The following MAMDC4 variants were observed in gnomAD, a reference collection of about 807,000 sequenced individuals.
MAMDC4 encodes the protein MAM domain containing 4, also known as apical endosomal glycoprotein.
A neutral mutation model predicts 153.3 loss-of-function variants in MAMDC4; 168 were observed. The ratio of observed to expected loss-of-function variants is 1.10; its 90% CI spans 0.97 to 1.25. The LOEUF is 1.25. MAMDC4 is among the 50% of genes most tolerant of loss of function. The pLI, the probability that MAMDC4 is intolerant of heterozygous loss-of-function variation, is 0.00. For missense variants in MAMDC4, 1,701 were observed against 1,542.8 expected (o/e 1.10, Z -1.72); for synonymous variants, 744 against 651.5 (o/e 1.14, Z -2.16).
chr9:136,855,677 G>A (rs1038432639), intron 12 of MAMDC4, 55 bp from the exon 13 acceptor site: 79 of 1,567,080 alleles, frequency 5.0e-5, no homozygotes, highest in South Asian at 9.4e-5. Context: ...GGTAGGCGCC[G>A]GGGCAGGCTG....
rs779193465 is a variant in MAMDC4 at position 136,857,240 on chromosome 9, G to A, written c.2048G>A (p.Arg683His). The A allele has an allele frequency of 5.0e-6, 8 of 1,607,134 alleles. No homozygotes were observed. Among genetic ancestry groups the A allele is most frequent in the Non-Finnish European group, 5.9e-6 (7 of 1,177,420 alleles). Residue 683 changes from arginine (R) to histidine (H), a missense_variant, in exon 17 of 27, where the codon CGC (arginine) becomes CAC (histidine). By Grantham distance (29) the Arg-to-His change is conservative. Transcript: ENST00000317446. ...TCGCGGTCAGGCACCCAGGGCAACCGCTGGCACGAGGCCTGGGCCACCCTT... is the reference window on the plus strand; with the variant it reads ...TCGCGGTCAGGCACCCAGGGCAACCACTGGCACGAGGCCTGGGCCACCCTT... ...LWSRSGTQGNRWHEAWATLSH... is the reference protein window; with the variant it reads ...LWSRSGTQGNHWHEAWATLSH...
At position 136,858,235 on chromosome 9, in the gene MAMDC4, T is replaced by C; in HGVS notation, c.2633T>C (p.Leu878Pro). 1 of 1,601,762 alleles carries C rather than the reference T, an allele frequency of 6.2e-7. No homozygotes were observed. Among genetic ancestry groups the C allele is most frequent in the Non-Finnish European group, 8.5e-7 (1 of 1,178,474 alleles). Residue 878 changes from leucine (L) to proline (P), a missense_variant, in exon 21 of 27, where the codon CTG becomes CCG. Leu to Pro is a moderately conservative substitution (Grantham distance 98). Coordinates refer to ENST00000317446, the MANE Select transcript of MAMDC4 (RefSeq NM_206920.3). The part of the protein sequence containing the change: ...AAGVAHSYVA[L>P]DDLLLQDGPC... Reference sequence around the variant, plus strand: ...GGCGTGGCACACTCCTACGTGGCTCTGGATGATCTGCTCCTCCAGGACGGG... The same window carrying C: ...GGCGTGGCACACTCCTACGTGGCTCCGGATGATCTGCTCCTCCAGGACGGG...
In MAMDC4 at chr9:136,855,477, C is replaced by T; in HGVS notation, c.1329C>T (p.Ala443=). The stretch of plus-strand genomic sequence containing the variant: ...TGCCTCCTGGGCCCCGGGCCCCAGC[C>T]CCCCAGCCCCTGCCGCCCAGCTCGC... ...QPLPPGPRAP[A]PQPLPPSSRL... is the part of the protein sequence containing the mutation. Residue 443 remains alanine, a synonymous_variant, in exon 12 of 27, where the codon GCC becomes GCT. Transcript: ENST00000317446. The T allele has an allele frequency of 1.2e-6, 2 of 1,605,414 alleles. No homozygotes were observed. Among genetic ancestry groups the T allele is most frequent in the Non-Finnish European group, 1.7e-6 (2 of 1,176,594 alleles).
rs987605046 is a variant in MAMDC4, at chr9:136,852,994, G to A, written c.47-108G>A. ...CCCTGCTCCATCTCCTGGTCTGAGGGGCATCCCCGGACAAAAGATGTCCAG... is the reference window on the plus strand; with the variant it reads ...CCCTGCTCCATCTCCTGGTCTGAGGAGCATCCCCGGACAAAAGATGTCCAG... On this transcript the variant is annotated intron_variant, in intron 1 of 26. Coordinates refer to ENST00000317446, the MANE Select transcript of MAMDC4 (RefSeq NM_206920.3). 49 of 903,762 alleles carry A rather than the reference G, an allele frequency of 5.4e-5. No homozygotes were observed. The African/African-American group carries it at 6.9e-4, about 13-fold the overall frequency. The allele number at this position is 903,762 out of a possible 1,614,324, so 56.0% of individuals were successfully genotyped here. A position where few individuals can be genotyped will look rare whatever the true frequency, so the allele number is the denominator to read the frequency against.
chr9:136,858,366 G>A (rs1163574314), intron 21 of MAMDC4, 34 bp from the exon 22 acceptor site: 2 of 1,600,384 alleles, frequency 1.2e-6, no homozygotes, highest in Admixed American at 1.7e-5. Context: ...CTTGGGCCGT[G>A]GGGCAGCACC....
In MAMDC4 at chr9:136,855,746, G is replaced by C. The variant is rs370310945; in HGVS notation, c.1486G>C (p.Glu496Gln). ...TGCTGTTCCAGGCACCACAGACTTT[G>C]AGTCCCCCGAGGCTGGGGGCTGGGA... ...DEQACGTTDF[E>Q]SPEAGGWEDA... The change falls in exon 13 of 27, where the codon GAG (glutamate) becomes CAG (glutamine). Residue 496 changes from glutamate to glutamine, a missense_variant. By Grantham distance (29) the Glu-to-Gln change is conservative. Transcript: ENST00000317446. 6 of 1,572,908 alleles carry C rather than the reference G, an allele frequency of 3.8e-6. No individual in the cohort carries two copies. The highest frequency in any genetic ancestry group is 1.9e-5 in the Admixed American group (1 of 52,636).
chr9:136,852,397 C>T lies in MAMDC4; in HGVS notation c.-20C>T. 1 of 1,608,706 alleles carries T rather than the reference C, an allele frequency of 6.2e-7. No homozygotes were observed. The highest frequency in any genetic ancestry group is 8.5e-7 in the Non-Finnish European group (1 of 1,179,944). The stretch of plus-strand genomic sequence containing the variant: ...TTCCCAGGCACCCTGTGTGGCCGCA[C>T]TGCTCCCTCTGGCCCAACCATGCCT... On this transcript the variant is annotated 5_prime_UTR_variant, in exon 1 of 27. Transcript: ENST00000317446.
rs773352715 is a variant in MAMDC4 at position 136,853,998 on chromosome 9, T to A, written c.592T>A (p.Phe198Ile). 6.2e-6 allele frequency: 10 copies of A among 1,612,792 alleles called. No individual in the cohort carries two copies. The African/African-American group carries it at 1.1e-4, about 17-fold the overall frequency. ...AAGAGCCTGTTCTCTTCAGGTGACC[T>A]TCTCTGCCACCCGAAATGCCACCCA... ...GRIRGDFRVTFSATRNATHRG... is the reference protein window; with the variant it reads ...GRIRGDFRVTISATRNATHRG... The change falls in exon 6 of 27, where the codon TTC becomes ATC. Residue 198 changes from phenylalanine (F) to isoleucine (I), a missense_variant. Phe to Ile is a conservative substitution (Grantham distance 21). Transcript: ENST00000317446.
Position 136,858,473 on chromosome 9 carries a change from G to A in MAMDC4, c.2748G>A (p.Trp916Ter), listed in dbSNP as rs1179033486. 3.1e-6 allele frequency: 5 copies of A among 1,609,012 alleles called. No homozygotes were observed. The highest frequency in any genetic ancestry group is 4.2e-6 in the Non-Finnish European group (5 of 1,179,496). The change falls in exon 22 of 27, where the codon TGG becomes TGA. Residue 916 changes from tryptophan to a stop codon, truncating the protein, a stop_gained. Transcript: ENST00000317446. LOFTEE classifies it high-confidence loss of function. ...GGCCCGGCCTGGGCGGATACAGCTG[G>A]GACTGGGGCGGGGGAGCCACCCCCT... ...LAWPGLGGYSWDWGGGATPSR... is the reference protein window; with the variant it reads ...LAWPGLGGYS
intron 4 of MAMDC4, 46 bp from the exon 5 acceptor site, chr9:136,853,731 G>A (rs1268521947): frequency 6.2e-7 from 1 of 1,605,920 alleles, no homozygotes; most frequent in African/African-American, 1.3e-5. Context: ...GTGGGCAGCT[G>A]GGGACAAGCA....
chr9:136,857,823 G>T (rs1222128000), intron 19 of MAMDC4, 27 bp downstream of exon 19: 1 of 1,607,342 alleles, frequency 6.2e-7, no homozygotes, highest in African/African-American at 1.3e-5. Flanking sequence ...GGGGGCCCCA[G>T]TGGGCTCAGG....
chr9:136,858,634 GGAGGCCCTGCTCACC>G (rs1849042934), intron 22 of MAMDC4, 70 bp from the exon 23 acceptor site: 2 of 1,595,156 alleles, frequency 1.3e-6, no homozygotes, highest in African/African-American at 2.7e-5. Context: ...CCCATCCAGA[GGAGGCCCTGCTCACC>G]GAGCCTCTGC....
In MAMDC4 at chr9:136,857,317, G is replaced by A. The variant is rs1283178481; in HGVS notation, c.2106+19G>A. On this transcript the variant is annotated intron_variant, in intron 17 of 26. Transcript: ENST00000317446. ...GTACCAGGTGAGGCCTGGCACCCGGGTGGGAGGACAGGGCAGGGCCCCTGG... is the reference window on the plus strand; with the variant it reads ...GTACCAGGTGAGGCCTGGCACCCGGATGGGAGGACAGGGCAGGGCCCCTGG... 30 of 1,606,854 alleles carry A rather than the reference G, an allele frequency of 1.9e-5. No homozygotes were observed. The highest frequency in any genetic ancestry group is 2.5e-5 in the Non-Finnish European group (29 of 1,177,924).
intron 14 of MAMDC4, 105 bp from the exon 15 acceptor site, chr9:136,856,604 TG>T: frequency 9.4e-7 from 1 of 1,058,488 alleles, no homozygotes. Flanking sequence ...CACTCCCACC[TG>T]GGTGCTCCCC....
chr9:136,855,481 C>A lies in MAMDC4; in HGVS notation c.1333C>A (p.Gln445Lys), dbSNP rs760042018. 30 of 1,603,224 alleles carry A rather than the reference C, an allele frequency of 1.9e-5. No homozygotes were observed. In the East Asian group the frequency reaches 3.8e-4, roughly 20 times the overall value. ...TCCTGGGCCCCGGGCCCCAGCCCCC[C>A]AGCCCCTGCCGCCCAGCTCGCGGCT... Reference protein sequence around the residue: ...LPPGPRAPAPQPLPPSSRLQD... With the variant: ...LPPGPRAPAPKPLPPSSRLQD... Residue 445 changes from glutamine to lysine, a missense_variant, in exon 12 of 27, where the codon CAG becomes AAG. Transcript: ENST00000317446.
rs778368698 is a variant in MAMDC4, at chr9:136,853,231, G to A, written c.154+22G>A. 3.5e-5 allele frequency: 56 copies of A among 1,612,404 alleles called. No homozygotes were observed. The South Asian group carries it at 4.0e-4, about 11-fold the overall frequency. On this transcript the variant is annotated intron_variant, in intron 2 of 26. Coordinates refer to ENST00000317446, the MANE Select transcript of MAMDC4 (RefSeq NM_206920.3). ...TGTGGTGAGCCAAGACCAGATGGGC[G>A]GGCAGGGCCAGTGCGAGCAGGTCTG...
Position 136,860,729 on chromosome 9 carries a change from T to C in MAMDC4, c.*126T>C. ...GCAGGTCTCAGGATATGCTGAGGCC[T>C]GGGCGTTCCCTGCCCTGTGCTGACT... On this transcript the variant is annotated 3_prime_UTR_variant, in exon 27 of 27. Transcript: ENST00000317446. 9.7e-7 allele frequency: 1 copy of C among 1,028,880 alleles called. No individual in the cohort carries two copies. Among genetic ancestry groups the C allele is most frequent in the Non-Finnish European group, 1.5e-6 (1 of 682,818 alleles). The allele number at this position is 1,028,880 out of a possible 1,614,324, so 63.7% of individuals were successfully genotyped here.
intron 26 of MAMDC4, among the ~76,000 whole-genome samples, 176 bp from the exon 27 acceptor site, chr9:136,860,386 T>G (rs1806915): frequency 1.3e-5 from 2 of 152,274 alleles, no homozygotes; most frequent in Admixed American, 1.3e-4. Context: ...CTGGGTATGG[T>G]GGCAGGAACC....
At chr9:136,859,555 G>A in intron 25 of MAMDC4, 1 of 592,880 alleles carries the variant, frequency 1.7e-6, no homozygotes, top group South Asian at 2.1e-5. Flanking sequence ...TGCCCTGCCT[G>A]GCTGTGGCCT....
Sources: gnomAD v4.1 joint callset for allele counts (sites outside exome capture counted in the v4.1 genomes callset) on GRCh38, gnomAD v4.1.1 for gene constraint, MANE v1.5 for transcripts, NCBI Gene and HGNC (gene_info 2026-07-23, HGNC 2026-07-21) for gene names.